The following LEKR1 variants were observed in gnomAD, a reference collection of about 807,000 sequenced individuals.
The protein encoded by LEKR1 is leucine, glutamate and lysine rich 1.
Under a neutral mutation model 72.4 loss-of-function variants are expected in LEKR1, and 59 were observed. That is an observed-to-expected ratio of 0.82 (90% CI 0.66 to 1.01). The LOEUF is 1.01. Ranked by LOEUF, LEKR1 falls within the 50% of genes least tolerant of loss-of-function variation. LEKR1 has a pLI of 0.00. For missense variants in LEKR1, 728 were observed against 759.2 expected (o/e 0.96, Z 0.48); for synonymous variants, 257 against 263.2 (o/e 0.98, Z 0.23).
chr3:156,889,894 C>G (rs1168634649), intron 3 of LEKR1, among the ~76,000 whole-genome samples: 1 of 152,150 alleles, frequency 6.6e-6, no homozygotes, highest in Non-Finnish European at 1.5e-5. Flanking sequence ...AAAGGATAGT[C>G]CAACTACATA....
In LEKR1 at chr3:156,904,823, T is replaced by A. The variant is rs576480621; in HGVS notation, c.264-15752T>A. On this transcript the variant is annotated intron_variant, in intron 3 of 12. Transcript: ENST00000356539. ...TATGTATGTGTGTGTGTATTTATTT[T>A]TTTTTATTAAGTCAGGGTTAAGATT... Among the ~76,000 whole-genome samples, 12 of 152,178 alleles carry A rather than the reference T, an allele frequency of 7.9e-5. No homozygotes were observed. The South Asian group carries it at 1.2e-3, about 16-fold the overall frequency.
At chr3:156,930,862 A>G (rs1725165484) in intron 5 of LEKR1, among the ~76,000 whole-genome samples, 1 of 152,182 alleles carries the variant, frequency 6.6e-6, no homozygotes, top group South Asian at 2.1e-4. Context: ...ATACCCATGT[A>G]GAAAAATATA....
At chr3:156,915,136 G>A (rs1458006199) in intron 3 of LEKR1, among the ~76,000 whole-genome samples, 1 of 151,570 alleles carries the variant, frequency 6.6e-6, no homozygotes, top group Non-Finnish European at 1.5e-5. Context: ...TTTTTTTATG[G>A]CTGTATCCAA....
chr3:156,906,852 GT>G (rs770288717), intron 3 of LEKR1, among the ~76,000 whole-genome samples: 1 of 152,022 alleles, frequency 6.6e-6, no homozygotes, highest in Non-Finnish European at 1.5e-5. Context: ...CAATGTGCAT[GT>G]TTTTTAAAAG....
chr3:156,876,302 T>G (rs1482724820), intron 3 of LEKR1, among the ~76,000 whole-genome samples: 1 of 152,184 alleles, frequency 6.6e-6, no homozygotes, highest in Admixed American at 6.5e-5. Flanking sequence ...TAGACTGGCT[T>G]TAGCTGTGCA....
At chr3:156,842,956 T>A (rs1035376511) in intron 2 of LEKR1, among the ~76,000 whole-genome samples, 1 of 152,198 alleles carries the variant, frequency 6.6e-6, no homozygotes, top group Non-Finnish European at 1.5e-5. Flanking sequence ...TTGGCTCCTT[T>A]TTCTACTGCT....
intron 3 of LEKR1, among the ~76,000 whole-genome samples, chr3:156,862,597 CT>C (rs1716892666): frequency 6.6e-6 from 1 of 152,088 alleles, no homozygotes; most frequent in East Asian, 1.9e-4. Context: ...TTCCTTTTTC[CT>C]TTTTCTATGT....
At chr3:156,869,161 C>G (rs756676927) in intron 3 of LEKR1, among the ~76,000 whole-genome samples, 1 of 152,022 alleles carries the variant, frequency 6.6e-6, no homozygotes, top group Admixed American at 6.6e-5. Context: ...AATAAACATT[C>G]AAGTACAAGT....
intron 10 of LEKR1, among the ~76,000 whole-genome samples, chr3:157,019,625 A>C (rs922481067): frequency 6.6e-6 from 1 of 152,232 alleles, no homozygotes; most frequent in Non-Finnish European, 1.5e-5. Context: ...TAGTTATTGT[A>C]TAAAGTGGTT....
rs772905732 is a variant in LEKR1, at chr3:157,024,793, C to T, written c.1237C>T (p.His413Tyr). 9.9e-6 allele frequency: 16 copies of T among 1,611,092 alleles called. No homozygotes were observed. The Admixed American group carries it at 1.0e-4, about 10-fold the overall frequency. ...AGAACTTGCCAAGGAAAGGGCCCAA[C>T]ACTTGGTTGAATTTGAAGAGCAAGC... is the stretch of plus-strand genomic sequence containing the variant. ...EAELAKERAQ[H>Y]LVEFEEQALL... Residue 413 changes from histidine (H) to tyrosine (Y), a missense_variant, in exon 11 of 13, where the codon CAC becomes TAC. His to Tyr is a moderately conservative substitution (Grantham distance 83). Transcript: ENST00000356539.
intron 4 of LEKR1, among the ~76,000 whole-genome samples, chr3:156,923,751 G>A (rs574925038): frequency 7.3e-5 from 11 of 150,652 alleles, no homozygotes; most frequent in South Asian, 2.1e-4. Flanking sequence ...TTTTTGAGAC[G>A]GAGGCTCGCT....
chr3:156,993,173 AG>A lies in LEKR1; in HGVS notation c.1006del (p.Glu336LysfsTer3). 2.5e-6 allele frequency: 4 copies of A among 1,612,228 alleles called. No homozygotes were observed. Among genetic ancestry groups the A allele is most frequent in the Non-Finnish European group, 3.4e-6 (4 of 1,178,598 alleles). Reference protein sequence around the residue: ...EELTVKEKQEEDIKRRINLAE... With the variant: ...EELTVKEKQEXDIKRRINLAE... The stretch of plus-strand genomic sequence containing the variant: ...AGCTGACTGTGAAAGAAAAGCAAGA[AG>A]AAGACATAAAGAGAAGAATTAACCT... On this transcript the variant is annotated frameshift_variant, in exon 9 of 13. Transcript: ENST00000356539. LOFTEE classifies it high-confidence loss of function.
intron 3 of LEKR1, among the ~76,000 whole-genome samples, chr3:156,917,789 GT>G (rs1723791980): frequency 6.6e-6 from 1 of 152,088 alleles, no homozygotes; most frequent in Admixed American, 6.6e-5. Context: ...TGGAACCAGG[GT>G]ATAGGAGAAT....
At chr3:156,985,070 C>T (rs1226668963) in intron 7 of LEKR1, among the ~76,000 whole-genome samples, 2 of 151,928 alleles carry the variant, frequency 1.3e-5, no homozygotes, top group East Asian at 3.9e-4. Flanking sequence ...TTCACATGGT[C>T]CTAACTTGAA....
rs193130333 is a variant in LEKR1, at chr3:156,911,443, T to C, written c.264-9132T>C. On this transcript the variant is annotated intron_variant, in intron 3 of 12. Transcript: ENST00000356539. Reference sequence around the variant, plus strand: ...CATAGTTTGTGAATGTTTTCTCCCATTCTCTATGCTGTCTGTTTACTCTGT... The same window carrying C: ...CATAGTTTGTGAATGTTTTCTCCCACTCTCTATGCTGTCTGTTTACTCTGT... 5.9e-5 allele frequency among the ~76,000 whole-genome samples: 9 copies of C among 152,284 alleles called. No homozygotes were observed. In the East Asian group the frequency reaches 1.7e-3, roughly 29 times the overall value.
chr3:156,971,147 G>T, intron 6 of LEKR1, among the ~76,000 whole-genome samples: 1 of 152,170 alleles, frequency 6.6e-6, no homozygotes, highest in East Asian at 1.9e-4. Flanking sequence ...TAGAGACATA[G>T]ACTAATGGAA....
intron 6 of LEKR1, among the ~76,000 whole-genome samples, chr3:156,971,143 C>G (rs1729146748): frequency 6.6e-6 from 1 of 152,122 alleles, no homozygotes; most frequent in African/African-American, 2.4e-5. Flanking sequence ...GAAATAGAGA[C>G]ATAGACTAAT....
intron 3 of LEKR1, among the ~76,000 whole-genome samples, chr3:156,870,136 T>C (rs1172160367): frequency 6.6e-5 from 10 of 152,078 alleles, no homozygotes; most frequent in Non-Finnish European, 1.0e-4. Context: ...AGTCAGATGG[T>C]GTGGTGCTTC....
rs946955327 is a variant in LEKR1, at chr3:156,925,218, T to C, written c.384-2211T>C. Reference sequence around the variant, plus strand: ...TAATTTTATCTTGGGGATTGGTCATTGTTAATATACAGAAATAAAATTGAT... The same window carrying C: ...TAATTTTATCTTGGGGATTGGTCATCGTTAATATACAGAAATAAAATTGAT... On this transcript the variant is annotated intron_variant, in intron 4 of 12. Transcript: ENST00000356539. The C allele has an allele frequency of 7.9e-5, 12 of 152,200 alleles. No individual in the cohort carries two copies. The South Asian group carries it at 1.2e-3, about 16-fold the overall frequency. 9.4% of individuals were successfully genotyped at this position (152,200 alleles called of 1,614,324 possible). A position where few individuals can be genotyped will look rare whatever the true frequency, so the allele number is the denominator to read the frequency against.
Sources: allele counts gnomAD v4.1 joint callset (sites outside exome capture counted in the v4.1 genomes callset), GRCh38; gene constraint gnomAD v4.1.1; transcripts MANE v1.5; gene names NCBI Gene and HGNC (gene_info 2026-07-23, HGNC 2026-07-21).